The following INSYN2A variants were observed in gnomAD, a reference collection of about 807,000 sequenced individuals.
INSYN2A encodes family with sequence similarity 196 member A.
In INSYN2A, 17 loss-of-function variants were observed where a neutral mutation model predicts 39.4. That is an observed-to-expected ratio of 0.43 (90% CI 0.30 to 0.65). The LOEUF (loss-of-function observed/expected upper bound fraction) is 0.65. Among genes scored for constraint, INSYN2A ranks in the 30% least tolerant of loss-of-function variants. INSYN2A has a pLI of 0.14. For synonymous variants in INSYN2A, 255 were observed against 265.7 expected, an observed-to-expected ratio of 0.96 and a Z score of 0.39; for missense variants, 595 against 631.2, an observed-to-expected ratio of 0.94 and a Z score of 0.61.
chr10:127,185,899 A>G (rs974044246), intron 2 of INSYN2A, among the ~76,000 whole-genome samples: 1 of 152,210 alleles, frequency 6.6e-6, no homozygotes, highest in Non-Finnish European at 1.5e-5. Context: ...TTGGGGCCCC[A>G]TACTGTTGTA....
intron 4 of INSYN2A, among the ~76,000 whole-genome samples, chr10:127,163,209 A>G (rs1243533480): frequency 6.6e-6 from 1 of 152,128 alleles, no homozygotes; most frequent in African/African-American, 2.4e-5. Context: ...TCACAATCCT[A>G]GCTGATAGCT....
intron 2 of INSYN2A, among the ~76,000 whole-genome samples, chr10:127,189,487 C>T (rs914439271): frequency 6.6e-6 from 1 of 152,060 alleles, no homozygotes; most frequent in African/African-American, 2.4e-5. Flanking sequence ...ATGTGATAGA[C>T]ACAATAAATA....
At chr10:127,194,715 G>C (rs1434330915) in intron 1 of INSYN2A, among the ~76,000 whole-genome samples, 2 of 152,122 alleles carry the variant, frequency 1.3e-5, no homozygotes, top group Non-Finnish European at 2.9e-5. Flanking sequence ...GCAAGTCCTC[G>C]TTGAGGGGGG....
At chr10:127,172,059 T>C (rs1198300049) in intron 4 of INSYN2A, among the ~76,000 whole-genome samples, 1 of 152,244 alleles carries the variant, frequency 6.6e-6, no homozygotes, top group African/African-American at 2.4e-5. Flanking sequence ...ATATAATAAC[T>C]ATGTATCAGT....
rs201089083 is a variant in INSYN2A at position 127,175,459 on chromosome 10, A to C, written c.937T>G (p.Cys313Gly). The part of the protein sequence containing the change: ...TALACSPPMQ[C>G]LSPECSEQPS... ...TGCTCACTACATTCGGGGGACAGGC[A>C]CTGCATCGGGGGTGAGCAGGCCAGG... The change falls in exon 4 of 6, where the codon TGC becomes GGC. Residue 313 changes from cysteine (C) to glycine (G), a missense_variant. Physicochemically the swap from Cys to Gly is radical, Grantham distance 159. Coordinates refer to ENST00000522781, the MANE Select transcript of INSYN2A (RefSeq NM_001039762.3). The surrounding 1 kb of genome is among the most constrained non-coding windows in gnomAD (Gnocchi z 6.3). The C allele has an allele frequency of 4.6e-4, 749 of 1,610,874 alleles. 5 individuals are homozygous for C. The highest frequency in any genetic ancestry group is 2.6e-4 in the Non-Finnish European group (312 of 1,180,020).
chr10:127,192,978 A>G (rs1331197032), intron 1 of INSYN2A, among the ~76,000 whole-genome samples: 3 of 152,222 alleles, frequency 2.0e-5, no homozygotes, highest in Non-Finnish European at 4.4e-5. Context: ...GTATTGGAAT[A>G]AAGACTTCTC....
chr10:127,157,274 G>A (rs1297807080), intron 4 of INSYN2A, among the ~76,000 whole-genome samples: 8 of 152,184 alleles, frequency 5.3e-5, no homozygotes, highest in Admixed American at 2.6e-4. Flanking sequence ...AGACCGTCAC[G>A]TGTTAACATC....
At chr10:127,170,533 T>C (rs2054471865) in intron 4 of INSYN2A, among the ~76,000 whole-genome samples, 1 of 152,188 alleles carries the variant, frequency 6.6e-6, no homozygotes, top group South Asian at 2.1e-4. Flanking sequence ...AATGGACACT[T>C]CAAGAGACTA....
chr10:127,187,829 A>G (rs1589845559), intron 2 of INSYN2A, among the ~76,000 whole-genome samples: 1 of 152,212 alleles, frequency 6.6e-6, no homozygotes, highest in South Asian at 2.1e-4. Flanking sequence ...TCTCTACCCC[A>G]GTCCAGGTAA....
intron 5 of INSYN2A, among the ~76,000 whole-genome samples, chr10:127,144,212 T>G (rs1047161351): frequency 6.6e-6 from 1 of 152,110 alleles, no homozygotes; most frequent in African/African-American, 2.4e-5. Context: ...ACTGGCAAAC[T>G]CCTTCTCAAA....
intron 4 of INSYN2A, among the ~76,000 whole-genome samples, chr10:127,159,441 T>G (rs1319861942): frequency 6.6e-6 from 1 of 152,186 alleles, no homozygotes; most frequent in Admixed American, 6.5e-5. Flanking sequence ...AATTCCTGAA[T>G]GTATAAATAA....
At chr10:127,154,042 G>T in intron 4 of INSYN2A, 119 bp from the exon 5 acceptor site, 2 of 710,712 alleles carry the variant, frequency 2.8e-6, no homozygotes, top group South Asian at 3.3e-5. Context: ...CATGGAAATT[G>T]ATTAATGCAT....
chr10:127,136,717 C>T lies in INSYN2A; in HGVS notation c.*1120G>A, dbSNP rs2050732432. The T allele has an allele frequency of 6.6e-6, 1 of 152,632 alleles. No individual in the cohort carries two copies. Among genetic ancestry groups the T allele is most frequent in the African/African-American group, 2.4e-5 (1 of 41,456 alleles). 9.5% of individuals were successfully genotyped at this position (152,632 alleles called of 1,614,324 possible). On this transcript the variant is annotated 3_prime_UTR_variant, in exon 6 of 6. Transcript: ENST00000522781. Reference sequence around the variant, plus strand: ...ATACCTAAAAACATTTGATTCACAGCTTTCCCCTAAGTATGTTGTTTAGTA... The same window carrying T: ...ATACCTAAAAACATTTGATTCACAGTTTTCCCCTAAGTATGTTGTTTAGTA...
chr10:127,160,154 C>T (rs2053471789), intron 4 of INSYN2A, among the ~76,000 whole-genome samples: 1 of 150,280 alleles, frequency 6.7e-6, no homozygotes, highest in Non-Finnish European at 1.5e-5. Flanking sequence ...AAAAAAAAGT[C>T]TCTCACTGTG....
intron 2 of INSYN2A, among the ~76,000 whole-genome samples, chr10:127,185,938 A>C (rs1333478302): frequency 6.6e-6 from 1 of 152,176 alleles, no homozygotes; most frequent in African/African-American, 2.4e-5. Context: ...GAATTATCAG[A>C]AGGTTTGTTC....
intron 5 of INSYN2A, chr10:127,145,793 T>C (rs373536547): frequency 6.2e-6 from 2 of 320,798 alleles, no homozygotes; most frequent in East Asian, 2.0e-4. Flanking sequence ...CTGATACCCA[T>C]TGAGAGCATC....
At chr10:127,185,319 GA>G (rs552190840) in intron 2 of INSYN2A, among the ~76,000 whole-genome samples, 11 of 152,122 alleles carry the variant, frequency 7.2e-5, no homozygotes, top group Non-Finnish European at 1.2e-4. Flanking sequence ...ACAAGGTCAG[GA>G]GATCAAGACC....
At chr10:127,170,011 T>C (rs1419604926) in intron 4 of INSYN2A, among the ~76,000 whole-genome samples, 1 of 151,958 alleles carries the variant, frequency 6.6e-6, no homozygotes, top group Non-Finnish European at 1.5e-5. Flanking sequence ...CTTCTTTTTT[T>C]ACCACTGTGT....
chr10:127,183,930 AAGT>A (rs1238579412), intron 2 of INSYN2A, among the ~76,000 whole-genome samples: 1 of 152,048 alleles, frequency 6.6e-6, no homozygotes, highest in African/African-American at 2.4e-5. Context: ...GCATGATAAT[AAGT>A]AGCTACTTTT....
Sources: allele counts gnomAD v4.1 joint callset (sites outside exome capture counted in the v4.1 genomes callset), GRCh38; gene constraint gnomAD v4.1.1; non-coding constraint Gnocchi (gnomAD v3.1); transcripts MANE v1.5; gene names NCBI Gene and HGNC (gene_info 2026-07-23, HGNC 2026-07-21).